TTC28: variants seen among roughly 807,000 people sequenced by gnomAD.
The protein encoded by TTC28 is tetratricopeptide repeat domain 28, also known as tetratricopeptide repeat protein 28.
A neutral mutation model predicts 198.0 loss-of-function variants in TTC28; 61 were observed. That is an observed-to-expected ratio of 0.31 (90% CI 0.25 to 0.38). The LOEUF (loss-of-function observed/expected upper bound fraction) is 0.38, where lower values mean the gene tolerates loss of function less well. Among genes scored for constraint, TTC28 ranks in the 10% least tolerant of loss-of-function variants. TTC28 has a pLI of 1.00. For synonymous variants in TTC28, 1,171 were observed against 1,297.8 expected (o/e 0.90, Z 2.10); for missense variants, 2,678 against 3,164.0 (o/e 0.85, Z 3.69).
chr22:28,145,317 TC>T (rs1943443212), intron 6 of TTC28, among the ~76,000 whole-genome samples: 1 of 152,152 alleles, frequency 6.6e-6, no homozygotes, highest in African/African-American at 2.4e-5. Flanking sequence ...TATAACTTGT[TC>T]AGGGTCATGC....
chr22:28,124,261 T>C (rs1413837100), intron 6 of TTC28, among the ~76,000 whole-genome samples: 1 of 152,062 alleles, frequency 6.6e-6, no homozygotes, highest in Non-Finnish European at 1.5e-5. Context: ...GGCCCAATAT[T>C]TACCCAAAAC....
At chr22:28,414,892 A>G (rs1287834165) in intron 2 of TTC28, among the ~76,000 whole-genome samples, 1 of 152,236 alleles carries the variant, frequency 6.6e-6, no homozygotes, top group Admixed American at 6.5e-5. Flanking sequence ...AATCAGTGCA[A>G]TATTTACAAC....
chr22:28,105,358 C>T lies in TTC28; in HGVS notation c.3228G>A (p.Lys1076=), dbSNP rs1010799943. 1.3e-6 allele frequency: 2 copies of T among 1,551,744 alleles called. No individual in the cohort carries two copies. The highest frequency in any genetic ancestry group is 4.9e-5 in the East Asian group (2 of 40,930). ...IAAQMNDLAA[K]TVSYSSLGRT... ...TTCCAAGGCTACTATATGACACCGT[C>T]TTGGCCGCCAAGTCATTCATCTGTG... is the stretch of plus-strand genomic sequence containing the variant. The change falls in exon 8 of 23, where the codon AAG becomes AAA. Residue 1076 remains lysine, a synonymous_variant. Transcript: ENST00000397906.
intron 5 of TTC28, among the ~76,000 whole-genome samples, chr22:28,211,602 C>A (rs1926969819): frequency 6.6e-6 from 1 of 152,104 alleles, no homozygotes; most frequent in African/African-American, 2.4e-5. Context: ...TATATATGCA[C>A]CCAATACAGG....
intron 2 of TTC28, among the ~76,000 whole-genome samples, chr22:28,527,598 A>G (rs888348181): frequency 6.6e-6 from 1 of 152,224 alleles, no homozygotes; most frequent in Non-Finnish European, 1.5e-5. Flanking sequence ...AGGGTGCCCT[A>G]GAGAGTTCTC....
chr22:28,199,677 G>T (rs1476047349), intron 5 of TTC28, among the ~76,000 whole-genome samples: 2 of 151,498 alleles, frequency 1.3e-5, no homozygotes, highest in African/African-American at 4.9e-5. Context: ...TTAACATTTT[G>T]GGCCAGACAG....
At position 27,983,055 on chromosome 22, in the gene TTC28, A is replaced by T. The variant is rs1267650458; in HGVS notation, c.6612T>A (p.Ala2204=). Residue 2204 remains alanine, a synonymous_variant, in exon 23 of 23, where the codon GCT becomes GCA. Transcript: ENST00000397906. ...CACTGGTTTCTGACGCTCTGAAGAC[A>T]GCAGTGCTGCTGGGCGCCTGAACGC... ...EDGVQAPSST[A]VFRASETSAF... The T allele has an allele frequency of 1.2e-5, 18 of 1,551,622 alleles. No individual in the cohort carries two copies. Among genetic ancestry groups the T allele is most frequent in the Admixed American group, 2.0e-5 (1 of 50,984 alleles).
intron 2 of TTC28, among the ~76,000 whole-genome samples, chr22:28,500,807 A>G (rs569026049): frequency 6.6e-6 from 1 of 152,286 alleles, no homozygotes; most frequent in Non-Finnish European, 1.5e-5. Flanking sequence ...TGTACAAAAA[A>G]TAAAGATGTG....
At chr22:28,126,913 A>G (rs752569398) in intron 6 of TTC28, among the ~76,000 whole-genome samples, 4 of 152,228 alleles carry the variant, frequency 2.6e-5, no homozygotes, top group Non-Finnish European at 5.9e-5. Flanking sequence ...AGAGTTCTAT[A>G]GAACACAATT....
Position 28,506,443 on chromosome 22 carries a change from T to C in TTC28, c.381+123109A>G, listed in dbSNP as rs191640706. Among the ~76,000 whole-genome samples, 901 of 152,006 alleles carry C rather than the reference T, an allele frequency of 5.9e-3. 3 individuals are homozygous for C. The highest frequency in any genetic ancestry group is 0.01 in the Middle Eastern group (3 of 294). On this transcript the variant is annotated intron_variant, in intron 2 of 22. Coordinates refer to ENST00000397906, the MANE Select transcript of TTC28 (RefSeq NM_001145418.2). ...CAGAGCTCCCGGGGGGAGGGGTGGC[T>C]GCCATCTCAGTGGTTCGGTAGACTC...
chr22:28,624,303 G>A (rs12167667), intron 2 of TTC28, among the ~76,000 whole-genome samples: 15,078 of 151,884 alleles, frequency 0.099, 855 homozygotes, highest in African/African-American at 0.12. Flanking sequence ...GCGTGAACCC[G>A]GGAGGCAGAG....
At chr22:28,440,470 T>G (rs747993831) in intron 2 of TTC28, among the ~76,000 whole-genome samples, 1 of 152,084 alleles carries the variant, frequency 6.6e-6, no homozygotes, top group Non-Finnish European at 1.5e-5. Flanking sequence ...CATGCTCCAT[T>G]AGAAACAAAG....
chr22:28,244,214 G>A (rs553996941), intron 5 of TTC28, among the ~76,000 whole-genome samples: 11 of 152,194 alleles, frequency 7.2e-5, no homozygotes, highest in Middle Eastern at 3.4e-3. Flanking sequence ...AAGCCTGAGG[G>A]GAGTGACAGA....
intron 2 of TTC28, among the ~76,000 whole-genome samples, chr22:28,533,357 T>G (rs1441530564): frequency 2.0e-5 from 3 of 152,190 alleles, no homozygotes. Flanking sequence ...ACAAGGGATG[T>G]GAAGGGCCTC....
chr22:28,269,697 A>C (rs1931924833), intron 5 of TTC28, among the ~76,000 whole-genome samples: 1 of 152,220 alleles, frequency 6.6e-6, no homozygotes, highest in Non-Finnish European at 1.5e-5. Flanking sequence ...AGGATGGTTT[A>C]TTGGGATGAA....
At chr22:28,406,950 G>A (rs1448051196) in intron 2 of TTC28, among the ~76,000 whole-genome samples, 1 of 152,158 alleles carries the variant, frequency 6.6e-6, no homozygotes, top group Non-Finnish European at 1.5e-5. Context: ...GCCCTCTGAG[G>A]AGGCACACAC....
intron 13 of TTC28, chr22:28,028,827 T>C (rs947056894): frequency 2.8e-6 from 1 of 358,746 alleles, no homozygotes; most frequent in Admixed American, 3.7e-5. Context: ...ATTTATACAT[T>C]GGCTCCTTTA....
intron 6 of TTC28, among the ~76,000 whole-genome samples, chr22:28,133,077 GC>G (rs1569155655): frequency 1.3e-5 from 2 of 152,176 alleles, no homozygotes. Context: ...ACCAAAATTA[GC>G]CAGGTGTGAT....
intron 2 of TTC28, among the ~76,000 whole-genome samples, chr22:28,472,071 T>C (rs539182841): frequency 6.6e-6 from 1 of 152,184 alleles, no homozygotes; most frequent in Non-Finnish European, 1.5e-5. Flanking sequence ...CTTTCCTGAA[T>C]AGCTAATAAA....
Sources: allele counts gnomAD v4.1 joint callset (sites outside exome capture counted in the v4.1 genomes callset), GRCh38; gene constraint gnomAD v4.1.1; transcripts MANE v1.5; gene names NCBI Gene and HGNC (gene_info 2026-07-23, HGNC 2026-07-21).